The following SMPD4 variants were observed in gnomAD, a reference collection of about 807,000 sequenced individuals.
SMPD4 encodes the protein sphingomyelin phosphodiesterase 4.
In SMPD4, 58 loss-of-function variants were observed where a neutral mutation model predicts 97.8. The observed-to-expected ratio is 0.59, with a 90% CI of 0.48 to 0.74. SMPD4 has a LOEUF of 0.74. Ranked by LOEUF, SMPD4 falls within the 30% of genes least tolerant of loss-of-function variation. The pLI, the probability that SMPD4 is intolerant of heterozygous loss-of-function variation, is 0.00. For synonymous variants in SMPD4, 388 were observed against 450.0 expected, an observed-to-expected ratio of 0.86 and a Z score of 1.74; for missense variants, 853 against 1,080.5, an observed-to-expected ratio of 0.79 and a Z score of 2.95.
intron 2 of SMPD4, 38 bp from the exon 3 acceptor site, chr2:130,175,038 T>G: frequency 6.8e-7 from 1 of 1,467,052 alleles, no homozygotes; most frequent in East Asian, 2.3e-5. Flanking sequence ...CACGAGGACA[T>G]TCACTCTGCA....
chr2:130,161,278 A>G lies in SMPD4; in HGVS notation c.865-6T>C. The G allele has an allele frequency of 4.3e-6, 7 of 1,613,852 alleles. No homozygotes were observed. Among genetic ancestry groups the G allele is most frequent in the Non-Finnish European group, 5.9e-6 (7 of 1,179,818 alleles). ...CGGTAGTGCAGAACCTCCAGCTGAG[A>G]TAAGAAACAGAGAGATGCCGGAAGA... is the stretch of plus-strand genomic sequence containing the variant. On this transcript the variant is annotated splice_region_variant and splice_polypyrimidine_tract_variant and intron_variant, in intron 10 of 19. Coordinates refer to ENST00000680298, the MANE Select transcript of SMPD4 (RefSeq NM_017951.5).
intron 15 of SMPD4, 104 bp from the exon 16 acceptor site, chr2:130,154,586 A>G: frequency 6.7e-7 from 1 of 1,498,016 alleles, no homozygotes; most frequent in South Asian, 1.2e-5. Flanking sequence ...GGGAGCCATG[A>G]CCCAGGGGTG....
At chr2:130,158,197 T>C (rs1200237883) in intron 11 of SMPD4, 1 of 1,286,950 alleles carries the variant, frequency 7.8e-7, no homozygotes, top group African/African-American at 1.5e-5. Flanking sequence ...CTCCTCATCC[T>C]GGACACAGCC....
At chr2:130,171,070 C>T (rs1427570641) in intron 8 of SMPD4, among the ~76,000 whole-genome samples, 1 of 150,450 alleles carries the variant, frequency 6.6e-6, no homozygotes, top group Non-Finnish European at 1.5e-5. Flanking sequence ...TCTCCAAACA[C>T]AAAATAAAAT....
chr2:130,180,985 T>G (rs114171296), intron 1 of SMPD4, among the ~76,000 whole-genome samples: 1,594 of 152,174 alleles, frequency 0.01, 33 homozygotes, highest in African/African-American at 0.036. Flanking sequence ...CCCCGTTTGT[T>G]TTTTGTTTTG....
intron 11 of SMPD4, chr2:130,159,665 GAA>G (rs1204400687): frequency 1.3e-5 from 2 of 151,942 alleles, no homozygotes; most frequent in Non-Finnish European, 2.9e-5. Context: ...GACAGAAGGA[GAA>G]AAGTATGAGA....
chr2:130,175,184 T>C (rs535760846), intron 2 of SMPD4, among the ~76,000 whole-genome samples, 184 bp from the exon 3 acceptor site: 110 of 152,264 alleles, frequency 7.2e-4, no homozygotes, highest in Non-Finnish European at 1.3e-3. Flanking sequence ...GGAGAGGCCG[T>C]AGTTCTATGC....
chr2:130,166,500 C>T (rs1379891235), intron 9 of SMPD4, among the ~76,000 whole-genome samples: 1 of 152,106 alleles, frequency 6.6e-6, no homozygotes, highest in African/African-American at 2.4e-5. Flanking sequence ...CTTACCATTC[C>T]ACCCTGCGAG....
In SMPD4 at chr2:130,157,304, C is replaced by T; in HGVS notation, c.1044G>A (p.Gln348=). 1 of 1,574,638 alleles carries T rather than the reference C, an allele frequency of 6.4e-7. No individual in the cohort carries two copies. Among genetic ancestry groups the T allele is most frequent in the East Asian group, 2.3e-5 (1 of 42,792 alleles). Residue 348 remains glutamine (Q), a synonymous_variant, in exon 12 of 20, where the codon CAG becomes CAA. Coordinates refer to ENST00000680298, the MANE Select transcript of SMPD4 (RefSeq NM_017951.5). ...HAFANSLKPE[Q]ASPSAHSHAT... The stretch of plus-strand genomic sequence containing the variant: ...CGTGGGAGTGGGCGGAGGGTGAGGC[C>T]TGCTCTGGCTTCAGGCTGTTGGCAA...
intron 12 of SMPD4, 64 bp from the exon 13 acceptor site, chr2:130,156,739 C>G (rs191775692): frequency 2.5e-6 from 4 of 1,571,486 alleles, no homozygotes; most frequent in South Asian, 2.3e-5. Flanking sequence ...CACAGATGAC[C>G]CCAGGGCTCC....
Position 130,153,035 on chromosome 2 carries a change from C to T in SMPD4, c.2154+8G>A. 2 of 1,608,414 alleles carry T rather than the reference C, an allele frequency of 1.2e-6. No individual in the cohort carries two copies. Among genetic ancestry groups the T allele is most frequent in the South Asian group, 1.1e-5 (1 of 90,816 alleles). ...GAAGACGCCAGGCCAGCCCTCCTGC[C>T]CACTCACTCTGTGGTTGATGGCAGA... is the stretch of plus-strand genomic sequence containing the variant. On this transcript the variant is annotated splice_region_variant and intron_variant, in intron 19 of 19. Transcript: ENST00000680298.
At chr2:130,169,337 G>A (rs1688221350) in intron 8 of SMPD4, among the ~76,000 whole-genome samples, 1 of 152,206 alleles carries the variant, frequency 6.6e-6, no homozygotes, top group Non-Finnish European at 1.5e-5. Context: ...GTGAGGCCTG[G>A]TGGCAATACT....
chr2:130,172,620 C>T lies in SMPD4; in HGVS notation c.507+5G>A. On this transcript the variant is annotated splice_donor_5th_base_variant and intron_variant, in intron 7 of 19. Coordinates refer to ENST00000680298, the MANE Select transcript of SMPD4 (RefSeq NM_017951.5). ...CTCTCCCAGCAAAAGGCATCCCTTC[C>T]TTACCTTCTGAGTGATGAGGCTCAA... is the stretch of plus-strand genomic sequence containing the variant. The T allele has an allele frequency of 1.9e-6, 3 of 1,614,208 alleles. No individual in the cohort carries two copies. Among genetic ancestry groups the T allele is most frequent in the East Asian group, 2.2e-5 (1 of 44,880 alleles).
At chr2:130,161,307 C>T (rs374771118) in intron 10 of SMPD4, 35 bp from the exon 11 acceptor site, 11 of 1,594,418 alleles carry the variant, frequency 6.9e-6, no homozygotes, top group Admixed American at 1.7e-5. Flanking sequence ...CGGAAGAGGC[C>T]GAAGAGCAGA....
In SMPD4 at chr2:130,172,354, A is replaced by T. The variant is rs759639962; in HGVS notation, c.654T>A (p.Pro218=). Residue 218 remains proline (P), a synonymous_variant, in exon 8 of 20, where the codon CCT becomes CCA. Coordinates refer to ENST00000680298, the MANE Select transcript of SMPD4 (RefSeq NM_017951.5). ...TTAACAAAGGGCAGCCTTACCTGGG[A>T]GGTGGTGAGGGGCTGGTCCCCCCTG... is the stretch of plus-strand genomic sequence containing the variant. ...SSPGGTSPSP[P]PRTPAIPFAS... The T allele has an allele frequency of 6.2e-5, 99 of 1,586,884 alleles. No homozygotes were observed. Among genetic ancestry groups the T allele is most frequent in the Non-Finnish European group, 8.1e-5 (94 of 1,166,128 alleles).
chr2:130,181,261 C>T (rs1689582934), intron 1 of SMPD4: 1 of 1,360,560 alleles, frequency 7.3e-7, no homozygotes, highest in Non-Finnish European at 9.5e-7. Context: ...TCCCTCAATT[C>T]CTTCAACGAA....
At chr2:130,166,872 C>T (rs1687979318) in intron 9 of SMPD4, among the ~76,000 whole-genome samples, 1 of 152,256 alleles carries the variant, frequency 6.6e-6, no homozygotes. Context: ...CATTCAGTGT[C>T]ATGGAAACCA....
Position 130,153,745 on chromosome 2 carries a change from T to C in SMPD4, c.1850A>G (p.Glu617Gly), listed in dbSNP as rs760963062. The part of the protein sequence containing the change: ...MGQDSVRKTD[E>G]YLEKALEYLR... ...GTACTCCAGGGCCTTCTCCAGGTAT[T>C]CATCTGTCTTCCGGACACTGTCTTG... The change falls in exon 17 of 20, where the codon GAA becomes GGA. Residue 617 changes from glutamate (E) to glycine (G), a missense_variant. By Grantham distance (98) the Glu-to-Gly change is moderately conservative (BLOSUM62 -2). This residue lies in a region of SMPD4 where 511 missense variants were observed against 608.1 expected (regional missense o/e 0.84). Transcript: ENST00000680298. 1.2e-6 allele frequency: 2 copies of C among 1,613,956 alleles called. No homozygotes were observed. The highest frequency in any genetic ancestry group is 1.7e-6 in the Non-Finnish European group (2 of 1,179,858).
chr2:130,156,394 G>A, intron 13 of SMPD4, 191 bp downstream of exon 13: 1 of 681,782 alleles, frequency 1.5e-6, no homozygotes, highest in Non-Finnish European at 2.5e-6. Flanking sequence ...AGACAGGTGG[G>A]ACAGGGCAGG....
Sources: allele counts gnomAD v4.1 joint callset (sites outside exome capture counted in the v4.1 genomes callset), GRCh38; gene constraint gnomAD v4.1.1; regional missense constraint gnomAD v4.1.1; transcripts MANE v1.5; gene names NCBI Gene and HGNC (gene_info 2026-07-23, HGNC 2026-07-21).